The following XPR1 variants were observed in gnomAD, a reference collection of about 807,000 sequenced individuals.
XPR1 encodes the protein solute carrier family 53 member 1.
A neutral mutation model predicts 87.5 loss-of-function variants in XPR1; 28 were observed. The ratio of observed to expected loss-of-function variants is 0.32; its 90% CI spans 0.24 to 0.44. The LOEUF (loss-of-function observed/expected upper bound fraction) is 0.44, where lower values mean the gene tolerates loss of function less well. XPR1 is among the 20% of genes least tolerant of loss of function. The pLI, the probability that XPR1 is intolerant of heterozygous loss-of-function variation, is 1.00. For synonymous variants in XPR1, 300 were observed against 306.1 expected, an observed-to-expected ratio of 0.98 and a Z score of 0.21; for missense variants, 559 against 862.3, an observed-to-expected ratio of 0.65 and a Z score of 4.41.
intron 2 of XPR1, among the ~76,000 whole-genome samples, chr1:180,697,664 T>A (rs991262498): frequency 6.6e-6 from 1 of 152,118 alleles, no homozygotes; most frequent in Non-Finnish European, 1.5e-5. Context: ...TCACTTGTTT[T>A]AAGACATTTA....
At chr1:180,727,524 A>G (rs1221587974) in intron 2 of XPR1, among the ~76,000 whole-genome samples, 2 of 152,116 alleles carry the variant, frequency 1.3e-5, no homozygotes, top group Admixed American at 6.5e-5. Context: ...GATGCCTGTA[A>G]TGCCAGCTAC....
intron 1 of XPR1, among the ~76,000 whole-genome samples, chr1:180,679,858 A>G (rs1378799155): frequency 1.3e-5 from 2 of 152,238 alleles, no homozygotes; most frequent in Non-Finnish European, 2.9e-5. Context: ...TAAGAACTCA[A>G]AATCACAGGC....
At chr1:180,879,091 A>T (rs1324131359) in intron 13 of XPR1, among the ~76,000 whole-genome samples, 2 of 152,196 alleles carry the variant, frequency 1.3e-5, no homozygotes, top group Non-Finnish European at 1.5e-5. Flanking sequence ...AAATGGTGTC[A>T]CCTTTCCCTT....
At chr1:180,846,789 G>T (rs1651699152) in intron 11 of XPR1, among the ~76,000 whole-genome samples, 2 of 151,104 alleles carry the variant, frequency 1.3e-5, no homozygotes, top group Non-Finnish European at 2.9e-5. Flanking sequence ...ATAAGATACG[G>T]TTTTCATGAA....
At chr1:180,860,102 A>G (rs1417550716) in intron 11 of XPR1, among the ~76,000 whole-genome samples, 1 of 152,168 alleles carries the variant, frequency 6.6e-6, no homozygotes, top group Non-Finnish European at 1.5e-5. Context: ...AATTAAACAC[A>G]TAAAAAGATG....
At chr1:180,792,162 C>T (rs1649412374) in intron 3 of XPR1, among the ~76,000 whole-genome samples, 2 of 152,164 alleles carry the variant, frequency 1.3e-5, no homozygotes, top group Admixed American at 1.3e-4. Flanking sequence ...GACACTAGGG[C>T]ACAAGAAAAA....
At chr1:180,756,211 T>G (rs1647734443) in intron 2 of XPR1, among the ~76,000 whole-genome samples, 1 of 152,214 alleles carries the variant, frequency 6.6e-6, no homozygotes, top group Non-Finnish European at 1.5e-5. Context: ...GAGGCGCATT[T>G]TACAAAATAA....
chr1:180,699,288 T>C (rs1288045503), intron 2 of XPR1, among the ~76,000 whole-genome samples: 2 of 131,112 alleles, frequency 1.5e-5, no homozygotes, highest in African/African-American at 5.7e-5. Context: ...TATGTATACA[T>C]GTGCCATGCT....
At position 180,674,687 on chromosome 1, in the gene XPR1, C is replaced by T. The variant is rs552278486; in HGVS notation, c.70-7673C>T. 4.9e-4 allele frequency among the ~76,000 whole-genome samples: 75 copies of T among 152,246 alleles called. 1 individual carries two copies. The South Asian group carries it at 0.014, about 28-fold the overall frequency. ...GGGCCTTCAAATACATACCACCATA[C>T]CTGGCTAAGAGTTAGTTTTCATACA... On this transcript the variant is annotated intron_variant, in intron 1 of 14. Transcript: ENST00000367590.
At chr1:180,705,709 G>T (rs151223311) in intron 2 of XPR1, among the ~76,000 whole-genome samples, 3 of 152,166 alleles carry the variant, frequency 2.0e-5, no homozygotes, top group African/African-American at 7.2e-5. Context: ...CTTTCTATAA[G>T]ACTATAATTT....
At chr1:180,757,474 T>C (rs1409848680) in intron 2 of XPR1, among the ~76,000 whole-genome samples, 1 of 151,202 alleles carries the variant, frequency 6.6e-6, no homozygotes, top group African/African-American at 2.4e-5. Context: ...CAGCAACTGA[T>C]GGCTTTCAAA....
intron 3 of XPR1, among the ~76,000 whole-genome samples, chr1:180,801,445 A>G (rs1194993320): frequency 6.6e-6 from 1 of 152,234 alleles, no homozygotes; most frequent in Admixed American, 6.5e-5. Flanking sequence ...TGGAAACATG[A>G]TTTTTGTTTT....
At chr1:180,831,920 G>A (rs1651080105) in intron 9 of XPR1, among the ~76,000 whole-genome samples, 1 of 152,172 alleles carries the variant, frequency 6.6e-6, no homozygotes, top group African/African-American at 2.4e-5. Flanking sequence ...CCAGTAATGG[G>A]ATTGCTGGTT....
intron 11 of XPR1, among the ~76,000 whole-genome samples, chr1:180,838,499 A>T (rs1017988013): frequency 6.6e-6 from 1 of 152,206 alleles, no homozygotes; most frequent in Non-Finnish European, 1.5e-5. Flanking sequence ...AATCTAAAAC[A>T]AATCTAAAAC....
intron 2 of XPR1, among the ~76,000 whole-genome samples, chr1:180,787,030 A>G (rs183896503): frequency 1.1e-3 from 165 of 152,288 alleles, no homozygotes; most frequent in African/African-American, 3.8e-3. Flanking sequence ...CACATTATAC[A>G]TTCATGTCTT....
intron 2 of XPR1, among the ~76,000 whole-genome samples, chr1:180,697,200 A>G (rs1380178352): frequency 1.3e-5 from 2 of 152,076 alleles, no homozygotes; most frequent in African/African-American, 4.8e-5. Flanking sequence ...TCCTGATTCA[A>G]TCTTGGTAGG....
chr1:180,644,455 C>CT (rs1159113794), intron 1 of XPR1, among the ~76,000 whole-genome samples: 40 of 138,798 alleles, frequency 2.9e-4, no homozygotes, highest in African/African-American at 6.6e-4. Context: ...TGGTCTGTGA[C>CT]TTTTTTTTTT....
At chr1:180,767,517 T>C (rs1648334775) in intron 2 of XPR1, among the ~76,000 whole-genome samples, 2 of 152,284 alleles carry the variant, frequency 1.3e-5, no homozygotes, top group Admixed American at 6.5e-5. Context: ...ATGGGTAAAA[T>C]AGTTTATTCT....
intron 9 of XPR1, among the ~76,000 whole-genome samples, chr1:180,827,352 G>A (rs930224960): frequency 4.6e-5 from 7 of 152,126 alleles, no homozygotes; most frequent in African/African-American, 1.2e-4. Context: ...CTATGATTAC[G>A]TAATTACAGT....
Sources: gnomAD v4.1 joint callset for allele counts (sites outside exome capture counted in the v4.1 genomes callset) on GRCh38, gnomAD v4.1.1 for gene constraint, MANE v1.5 for transcripts, NCBI Gene and HGNC (gene_info 2026-07-23, HGNC 2026-07-21) for gene names.